Variants in ST6GAL1 observed in about 807,000 individuals in gnomAD.
ST6GAL1 encodes beta-galactoside alpha-2,6-sialyltransferase 1.
In ST6GAL1, 20 loss-of-function variants were observed where a neutral mutation model predicts 38.0. That is an observed-to-expected ratio of 0.53 (90% CI 0.37 to 0.77). The LOEUF (loss-of-function observed/expected upper bound fraction) is 0.77. ST6GAL1 is among the 30% of genes least tolerant of loss of function. The pLI is 0.00. For synonymous variants in ST6GAL1, 196 were observed against 188.2 expected (o/e 1.04, Z -0.34); for missense variants, 432 against 496.4 (o/e 0.87, Z 1.23).
At chr3:187,032,157 T>G (rs1187965958) in intron 2 of ST6GAL1, among the ~76,000 whole-genome samples, 1 of 152,220 alleles carries the variant, frequency 6.6e-6, no homozygotes, top group African/African-American at 2.4e-5. Flanking sequence ...CACTTTTGTT[T>G]CAATTGGTTG....
chr3:186,940,290 T>G (rs1265835003), intron 1 of ST6GAL1, among the ~76,000 whole-genome samples: 1 of 57,578 alleles, frequency 1.7e-5, no homozygotes, highest in South Asian at 1.0e-3. Context: ...ATGAAATGGT[T>G]TTTTTTTTAG....
intron 2 of ST6GAL1, among the ~76,000 whole-genome samples, chr3:186,999,413 C>CT (rs35693392): frequency 0.48 from 67,003 of 138,218 alleles, 16,300 homozygotes; most frequent in East Asian, 0.59. Flanking sequence ...ACTATAATCT[C>CT]TTTTTTTTTT....
intron 2 of ST6GAL1, among the ~76,000 whole-genome samples, chr3:186,983,261 T>C (rs538880312): frequency 5.9e-5 from 9 of 152,340 alleles, no homozygotes; most frequent in African/African-American, 2.2e-4. Context: ...TACTTGGCAG[T>C]TGAAATGCTT....
chr3:186,937,643 T>C (rs1714009212), intron 1 of ST6GAL1, among the ~76,000 whole-genome samples: 1 of 152,116 alleles, frequency 6.6e-6, no homozygotes, highest in South Asian at 2.1e-4. Context: ...AACAAGAGAT[T>C]AGTGCAGGAT....
chr3:187,064,057 C>A (rs1286144674), intron 5 of ST6GAL1, among the ~76,000 whole-genome samples: 1 of 152,064 alleles, frequency 6.6e-6, no homozygotes, highest in Admixed American at 6.6e-5. Flanking sequence ...TCCACCTTCC[C>A]AAATCCCAAC....
At chr3:186,984,044 C>T (rs1329297829) in intron 2 of ST6GAL1, among the ~76,000 whole-genome samples, 1 of 152,168 alleles carries the variant, frequency 6.6e-6, no homozygotes, top group African/African-American at 2.4e-5. Flanking sequence ...TCCTCTGCCC[C>T]CAGGTCTGCT....
At chr3:187,047,382 A>G (rs569379158) in intron 4 of ST6GAL1, among the ~76,000 whole-genome samples, 30 of 152,224 alleles carry the variant, frequency 2.0e-4, no homozygotes, top group Admixed American at 7.9e-4. Flanking sequence ...TTGGTGATAA[A>G]TTGTGATAAA....
chr3:186,953,488 A>G (rs1560140192), intron 1 of ST6GAL1, among the ~76,000 whole-genome samples: 1 of 152,134 alleles, frequency 6.6e-6, no homozygotes, highest in African/African-American at 2.4e-5. Flanking sequence ...TGACAGCCTT[A>G]TATAAGATTA....
chr3:187,037,113 A>G (rs563603215), intron 2 of ST6GAL1, among the ~76,000 whole-genome samples: 83 of 152,292 alleles, frequency 5.5e-4, no homozygotes, highest in Non-Finnish European at 1.0e-3. Context: ...AGCCTGGTCC[A>G]TGGTCAGAAG....
chr3:187,034,679 A>G (rs1250819916), intron 2 of ST6GAL1, among the ~76,000 whole-genome samples: 1 of 152,192 alleles, frequency 6.6e-6, no homozygotes, highest in African/African-American at 2.4e-5. Flanking sequence ...ATAGATGCAG[A>G]AAAAGATTTT....
intron 2 of ST6GAL1, among the ~76,000 whole-genome samples, chr3:186,981,415 CCTT>C (rs1435951884): frequency 2.6e-5 from 4 of 152,170 alleles, no homozygotes; most frequent in Admixed American, 1.3e-4. Context: ...CTAACGGCCT[CCTT>C]CTTATTTGCT....
intron 2 of ST6GAL1, among the ~76,000 whole-genome samples, chr3:186,968,659 T>C (rs979601413): frequency 7.6e-6 from 1 of 131,170 alleles, no homozygotes; most frequent in Non-Finnish European, 1.8e-5. Flanking sequence ...TCATTCAGCG[T>C]AATTATTTTG....
chr3:186,960,030 G>A (rs951946353), intron 1 of ST6GAL1, among the ~76,000 whole-genome samples: 4 of 152,178 alleles, frequency 2.6e-5, no homozygotes, highest in African/African-American at 4.8e-5. Flanking sequence ...CAATGGTTCT[G>A]CTTTGAGGGG....
At chr3:187,043,493 C>T (rs548412408) in intron 4 of ST6GAL1, among the ~76,000 whole-genome samples, 183 bp downstream of exon 4, 6 of 152,096 alleles carry the variant, frequency 3.9e-5, no homozygotes, top group African/African-American at 9.6e-5. Flanking sequence ...TCTAGGCCCC[C>T]GCATCTTTTA....
intron 2 of ST6GAL1, among the ~76,000 whole-genome samples, chr3:186,987,133 G>A (rs1220832436): frequency 8.0e-6 from 1 of 124,652 alleles, no homozygotes; most frequent in Non-Finnish European, 1.6e-5. Context: ...GGAAAGGAAG[G>A]AAAGAAAGAA....
chr3:186,940,142 A>G (rs1311952527), intron 1 of ST6GAL1, among the ~76,000 whole-genome samples: 2 of 152,176 alleles, frequency 1.3e-5, no homozygotes, highest in East Asian at 3.8e-4. Flanking sequence ...TAGCTCTGTG[A>G]CCTTGGACAA....
In ST6GAL1 at chr3:187,076,049, T is replaced by G; in HGVS notation, c.*246T>G. 1 of 503,886 alleles carries G rather than the reference T, an allele frequency of 2.0e-6. No individual in the cohort carries two copies. Among genetic ancestry groups the G allele is most frequent in the Admixed American group, 3.6e-5 (1 of 28,118 alleles). 31.2% of individuals were successfully genotyped at this position (503,886 alleles called of 1,614,324 possible). On this transcript the variant is annotated 3_prime_UTR_variant, in exon 8 of 8. Transcript: ENST00000169298. ...ACATGCACACATATCTAGCATTCTT[T>G]CCAGACAGCATCCTCCCCGCCTTCC...
intron 2 of ST6GAL1, among the ~76,000 whole-genome samples, chr3:186,975,394 G>A (rs1467605097): frequency 3.9e-5 from 6 of 152,284 alleles, no homozygotes; most frequent in Admixed American, 3.9e-4. Flanking sequence ...TGTTGTGAGG[G>A]TCCTAGTATT....
intron 2 of ST6GAL1, among the ~76,000 whole-genome samples, chr3:186,999,747 A>G (rs1347846875): frequency 6.6e-6 from 1 of 152,148 alleles, no homozygotes; most frequent in Non-Finnish European, 1.5e-5. Context: ...GTGGAGTAGG[A>G]GGGCCATGTG....
Sources: allele counts gnomAD v4.1 joint callset (sites outside exome capture counted in the v4.1 genomes callset), GRCh38; gene constraint gnomAD v4.1.1; transcripts MANE v1.5; gene names NCBI Gene and HGNC (gene_info 2026-07-23, HGNC 2026-07-21).